The following HOPX variants were observed in gnomAD, a reference collection of about 807,000 sequenced individuals.
HOPX encodes the protein HOP homeobox.
A neutral mutation model predicts 11.8 loss-of-function variants in HOPX; 5 were observed. That is an observed-to-expected ratio of 0.43 (90% CI 0.22 to 0.89). HOPX has a LOEUF of 0.89. HOPX is among the 40% of genes least tolerant of loss of function. The pLI is 0.28. For synonymous variants in HOPX, 49 were observed against 49.7 expected, an observed-to-expected ratio of 0.99 and a Z score of 0.06; for missense variants, 119 against 120.0, an observed-to-expected ratio of 0.99 and a Z score of 0.04.
At chr4:56,675,643 G>A (rs1175328410) in intron 1 of HOPX, among the ~76,000 whole-genome samples, 1 of 151,714 alleles carries the variant, frequency 6.6e-6, no homozygotes, top group East Asian at 1.9e-4. Context: ...ACCTGCATCT[G>A]CTGTATTGCA....
chr4:56,674,447 T>A (rs1220053536), intron 1 of HOPX, among the ~76,000 whole-genome samples: 1 of 151,598 alleles, frequency 6.6e-6, no homozygotes, highest in Non-Finnish European at 1.5e-5. Flanking sequence ...TCTAAGCAGA[T>A]CTGTCATGAC....
intron 2 of HOPX, chr4:56,656,269 C>T (rs1484114472): frequency 2.6e-6 from 3 of 1,168,854 alleles, no homozygotes; most frequent in East Asian, 8.2e-5. Flanking sequence ...CCCGCGCCCC[C>T]CGGGACCCCT....
At chr4:56,655,819 C>T in intron 3 of HOPX, 38 bp downstream of exon 3, 2 of 1,597,612 alleles carry the variant, frequency 1.3e-6, no homozygotes, top group Non-Finnish European at 1.7e-6. Flanking sequence ...TCAGCCCAGG[C>T]AGGGGTCGGG....
rs545652721 is a variant in HOPX at position 56,667,708 on chromosome 4, G to T, written c.-83-9809C>A. Reference sequence around the variant, plus strand: ...TTTTAAGAGTGAAAAACAGCCTCCTGTTCATCACTGTAGTTAAGTATATGT... The same window carrying T: ...TTTTAAGAGTGAAAAACAGCCTCCTTTTCATCACTGTAGTTAAGTATATGT... On this transcript the variant is annotated intron_variant, in intron 1 of 3. Transcript: ENST00000420433. Among the ~76,000 whole-genome samples the T allele has an allele frequency of 2.5e-3, 383 of 152,252 alleles. 1 individual carries two copies. Among genetic ancestry groups the T allele is most frequent in the Middle Eastern group, 0.01 (3 of 292 alleles).
intron 1 of HOPX, among the ~76,000 whole-genome samples, chr4:56,675,635 C>G (rs1403226264): frequency 6.6e-6 from 1 of 151,716 alleles, no homozygotes; most frequent in Non-Finnish European, 1.5e-5. Context: ...ACAGCCTAAC[C>G]TGCATCTGCT....
intron 1 of HOPX, among the ~76,000 whole-genome samples, chr4:56,672,149 A>G (rs1396221419): frequency 6.6e-6 from 1 of 152,158 alleles, no homozygotes; most frequent in African/African-American, 2.4e-5. Context: ...CATGACTAAT[A>G]AGATTTCTTA....
intron 1 of HOPX, among the ~76,000 whole-genome samples, chr4:56,677,785 T>G (rs1399166495): frequency 6.6e-6 from 1 of 151,542 alleles, no homozygotes; most frequent in Non-Finnish European, 1.5e-5. Flanking sequence ...CTCATGCTTT[T>G]GCCTGGGCCT....
chr4:56,662,190 T>C (rs1420214893), intron 1 of HOPX, among the ~76,000 whole-genome samples: 2 of 152,220 alleles, frequency 1.3e-5, no homozygotes, highest in African/African-American at 2.4e-5. Flanking sequence ...AAATAGGATA[T>C]CCATGTAAAC....
intron 3 of HOPX, among the ~76,000 whole-genome samples, chr4:56,654,805 T>G (rs983852975): frequency 3.3e-5 from 5 of 152,198 alleles, no homozygotes; most frequent in Admixed American, 6.5e-5. Context: ...ACAGGACAAG[T>G]GCCTGATGCT....
At chr4:56,674,191 A>G (rs547554814) in intron 1 of HOPX, among the ~76,000 whole-genome samples, 1 of 151,808 alleles carries the variant, frequency 6.6e-6, no homozygotes, top group East Asian at 1.9e-4. Flanking sequence ...ATGCTAGTCT[A>G]TGTCCCAGGA....
At position 56,648,674 on chromosome 4, in the gene HOPX, C is replaced by T. The variant is rs754722353; in HGVS notation, c.*46G>A. 3.6e-6 allele frequency: 5 copies of T among 1,397,718 alleles called. No homozygotes were observed. Among genetic ancestry groups the T allele is most frequent in the Non-Finnish European group, 4.0e-6 (4 of 996,412 alleles). 86.6% of individuals were successfully genotyped at this position (1,397,718 alleles called of 1,614,324 possible). On this transcript the variant is annotated 3_prime_UTR_variant, in exon 4 of 4. Coordinates refer to ENST00000420433, the MANE Select transcript of HOPX (RefSeq NM_032495.6). ...AGCTTGGTTAAGCGGAGGAGAGAAA[C>T]AGAGATGGCCTTCATGGAGTGAAGC...
At chr4:56,663,900 A>G (rs1203340296) in intron 1 of HOPX, 1 of 152,244 alleles carries the variant, frequency 6.6e-6, no homozygotes, top group Non-Finnish European at 1.5e-5. Flanking sequence ...TTTTAGAAAC[A>G]TGGCAAAATT....
At chr4:56,668,502 C>A (rs531569589) in intron 1 of HOPX, among the ~76,000 whole-genome samples, 1 of 152,320 alleles carries the variant, frequency 6.6e-6, no homozygotes, top group East Asian at 1.9e-4. Flanking sequence ...CTGGCCAGAG[C>A]TCTTGGCATG....
intron 1 of HOPX, among the ~76,000 whole-genome samples, chr4:56,666,148 A>G (rs1718427393): frequency 6.6e-6 from 1 of 152,080 alleles, no homozygotes; most frequent in African/African-American, 2.4e-5. Flanking sequence ...AGTTAAAACC[A>G]CCGGCACTAC....
At chr4:56,679,291 T>C (rs371051036) in intron 1 of HOPX, 44 of 152,160 alleles carry the variant, frequency 2.9e-4, no homozygotes, top group African/African-American at 1.1e-3. Flanking sequence ...TTGTTGGGAG[T>C]AATCAGCTAT....
intron 1 of HOPX, chr4:56,665,452 G>T (rs960035492): frequency 2.0e-5 from 3 of 152,110 alleles, no homozygotes; most frequent in African/African-American, 7.2e-5. Context: ...ACTTGATTTA[G>T]GACATAACTT....
At chr4:56,673,236 C>T (rs1201998227) in intron 1 of HOPX, among the ~76,000 whole-genome samples, 1 of 151,940 alleles carries the variant, frequency 6.6e-6, no homozygotes, top group Non-Finnish European at 1.5e-5. Flanking sequence ...TCATCAACAA[C>T]ATAGATACAT....
Position 56,658,292 on chromosome 4 carries a change from T to C in HOPX, c.-83-393A>G, listed in dbSNP as rs929861783. On this transcript the variant is annotated intron_variant, in intron 1 of 3. Coordinates refer to ENST00000420433, the MANE Select transcript of HOPX (RefSeq NM_032495.6). ...GGGCTGCTACTGGTCTTACATTTAA[T>C]TTACTGCATTTTATTTTATGAGATT... Among the ~76,000 whole-genome samples, 5 of 152,350 alleles carry C rather than the reference T, an allele frequency of 3.3e-5. No homozygotes were observed. In the South Asian group the frequency reaches 6.2e-4, roughly 19 times the overall value.
intron 3 of HOPX, 100 bp downstream of exon 3, chr4:56,655,757 G>A: frequency 3.0e-6 from 4 of 1,350,826 alleles, no homozygotes; most frequent in Non-Finnish European, 4.1e-6. Flanking sequence ...TCATGGGGAG[G>A]GCAGCCCGGC....
Sources: gnomAD v4.1 joint callset for allele counts (sites outside exome capture counted in the v4.1 genomes callset) on GRCh38, gnomAD v4.1.1 for gene constraint, MANE v1.5 for transcripts, NCBI Gene and HGNC (gene_info 2026-07-23, HGNC 2026-07-21) for gene names.